TG: variants seen among roughly 807,000 people sequenced by gnomAD.
The protein encoded by TG is thyroglobulin, also known as thyroid hormones.
TG carries 270 observed loss-of-function variants against 324.7 expected under a neutral mutation model. The ratio of observed to expected loss-of-function variants is 0.83; its 90% CI spans 0.75 to 0.92. The LOEUF (loss-of-function observed/expected upper bound fraction) is 0.92, where lower values mean the gene tolerates loss of function less well. Among genes scored for constraint, TG ranks in the 40% least tolerant of loss-of-function variants. TG has a pLI of 0.00. For synonymous variants in TG, 1,401 were observed against 1,327.0 expected (o/e 1.06, Z -1.21); for missense variants, 3,591 against 3,456.4 (o/e 1.04, Z -0.98).
intron 41 of TG, chr8:133,038,473 T>C (rs769676218): frequency 2.2e-6 from 3 of 1,395,096 alleles, no homozygotes; most frequent in South Asian, 1.2e-5. Context: ...TCCCAGGCAA[T>C]AGTTGGAACT....
chr8:132,950,135 G>T (rs1383909536), intron 27 of TG, among the ~76,000 whole-genome samples: 3 of 152,218 alleles, frequency 2.0e-5, no homozygotes, highest in Non-Finnish European at 2.9e-5. Flanking sequence ...CTGAGAGTCT[G>T]ACTTATGATG....
chr8:133,017,260 T>TA (rs1452680015), intron 37 of TG, among the ~76,000 whole-genome samples: 161 of 124,904 alleles, frequency 1.3e-3, no homozygotes, highest in Non-Finnish European at 1.1e-3. Flanking sequence ...CCTAAAAGTC[T>TA]TTTTTTTTTT....
chr8:132,928,995 T>C, intron 22 of TG, 81 bp from the exon 23 acceptor site: 1 of 1,162,612 alleles, frequency 8.6e-7, no homozygotes, highest in Admixed American at 1.7e-5. Flanking sequence ...ATTGACTGCT[T>C]GACCTAACAG....
In TG at chr8:133,038,698, C is replaced by T. The variant is rs78830048; in HGVS notation, c.7239+8675C>T. ...CATAGCTGAAAAGGGACTCGTCTAC[C>T]CCAAGCGGGTTCTCTGTTCCCTCGG... On this transcript the variant is annotated intron_variant, in intron 41 of 47. Coordinates refer to ENST00000220616, the MANE Select transcript of TG (RefSeq NM_003235.5). 3.6e-4 allele frequency: 589 copies of T among 1,614,088 alleles called. 9 individuals are homozygous for T. In the East Asian group the frequency reaches 0.012, roughly 34 times the overall value.
chr8:133,094,932 C>T, intron 41 of TG, 112 bp from the exon 42 acceptor site: 1 of 1,478,932 alleles, frequency 6.8e-7, no homozygotes, highest in Non-Finnish European at 9.4e-7. Flanking sequence ...GGTCCTGGGA[C>T]TCCCAAGCTT....
chr8:133,006,469 A>T (rs1834024459), intron 35 of TG, among the ~76,000 whole-genome samples: 1 of 152,244 alleles, frequency 6.6e-6, no homozygotes, highest in African/African-American at 2.4e-5. Context: ...GACGGGTAAG[A>T]ATCATCTTAA....
intron 23 of TG, among the ~76,000 whole-genome samples, chr8:132,932,843 C>T (rs1308171904): frequency 6.6e-6 from 1 of 152,174 alleles, no homozygotes. Flanking sequence ...TGGGACATAG[C>T]CTTGAACAAA....
intron 5 of TG, 74 bp downstream of exon 5, chr8:132,873,295 C>T (rs1839669856): frequency 1.4e-5 from 21 of 1,555,110 alleles, no homozygotes; most frequent in Non-Finnish European, 1.8e-5. Flanking sequence ...AGCTGGGGGC[C>T]TCCATGTGTC....
At chr8:132,943,096 G>C (rs1416793731) in intron 26 of TG, among the ~76,000 whole-genome samples, 1 of 152,102 alleles carries the variant, frequency 6.6e-6, no homozygotes, top group East Asian at 1.9e-4. Context: ...CTGGGTATAA[G>C]AGCCCCTTGT....
At chr8:132,931,699 TC>T (rs1469744504) in intron 23 of TG, among the ~76,000 whole-genome samples, 2 of 152,138 alleles carry the variant, frequency 1.3e-5, no homozygotes, top group Non-Finnish European at 2.9e-5. Flanking sequence ...ACTGAATTTG[TC>T]CCTGAGCCCG....
Position 133,011,979 on chromosome 8 carries a change from A to C in TG, c.6341A>C (p.His2114Pro). The change falls in exon 36 of 48, where the codon CAT becomes CCT. Residue 2114 changes from histidine (H) to proline (P), a missense_variant. Transcript: ENST00000220616. ...DPSIRHFDVA[H>P]VSTAATSNFS... Reference sequence around the variant, plus strand: ...TCCATTAGGCACTTTGATGTTGCCCATGTCAGCACTGCTGCCACCAGCAAT... The same window carrying C: ...TCCATTAGGCACTTTGATGTTGCCCCTGTCAGCACTGCTGCCACCAGCAAT... 1 of 1,614,192 alleles carries C rather than the reference A, an allele frequency of 6.2e-7. No homozygotes were observed. Among genetic ancestry groups the C allele is most frequent in the Non-Finnish European group, 8.5e-7 (1 of 1,180,036 alleles).
chr8:132,933,200 TTGTG>T (rs911927107), intron 23 of TG, among the ~76,000 whole-genome samples: 8 of 111,110 alleles, frequency 7.2e-5, no homozygotes, highest in Middle Eastern at 4.1e-3. Context: ...GGGTGTATAT[TTGTG>T]TGTGTGTGTA....
At chr8:133,098,332 T>C (rs1848744283) in intron 43 of TG, among the ~76,000 whole-genome samples, 1 of 152,238 alleles carries the variant, frequency 6.6e-6, no homozygotes, top group Non-Finnish European at 1.5e-5. Flanking sequence ...ATAAACCCTT[T>C]ATTGAATCAA....
At chr8:133,081,125 C>T (rs561989364) in intron 41 of TG, among the ~76,000 whole-genome samples, 3 of 152,386 alleles carry the variant, frequency 2.0e-5, no homozygotes, top group Non-Finnish European at 2.9e-5. Flanking sequence ...TACAGCCCAC[C>T]TGGTCTCCTG....
rs1313276149 is a variant in TG at position 132,871,348 on chromosome 8, G to T, written c.275G>T (p.Cys92Phe). The change falls in exon 4 of 48, where the codon TGT (cysteine) becomes TTT (phenylalanine). Residue 92 changes from cysteine (C) to phenylalanine (F), a missense_variant and splice_region_variant. Physicochemically the swap from Cys to Phe is radical, Grantham distance 205. Transcript: ENST00000220616. Reference protein sequence around the residue: ...GSRQPGRPVACLSFCQLQKQQ... With the variant: ...GSRQPGRPVAFLSFCQLQKQQ... ...CTAACATTGCTCCTTGTACCCACAG[G>T]TCTGTCATTTTGTCAGCTACAGAAA... 4.3e-6 allele frequency: 7 copies of T among 1,614,166 alleles called. No homozygotes were observed. The highest frequency in any genetic ancestry group is 1.1e-5 in the South Asian group (1 of 91,084).
intron 20 of TG, among the ~76,000 whole-genome samples, chr8:132,915,568 C>T (rs1422481514): frequency 2.0e-5 from 3 of 152,150 alleles, no homozygotes; most frequent in Non-Finnish European, 4.4e-5. Context: ...CATGGGAGAC[C>T]TTGCCCAGGA....
rs759197109 is a variant in TG at position 132,900,268 on chromosome 8, G to A, written c.3362G>A (p.Gly1121Glu). The change falls in exon 15 of 48, where the codon GGG becomes GAG. Residue 1121 changes from glycine (G) to glutamate (E), a missense_variant. Coordinates refer to ENST00000220616, the MANE Select transcript of TG (RefSeq NM_003235.5). ...TGEYARLQAS[G>E]AGTWCVDPAS... ...GAGTATGCCAGGCTGCAGGCATCGG[G>A]GGCTGGCACCTGGTGTGTGGACCCT... 1.9e-5 allele frequency: 30 copies of A among 1,613,932 alleles called. No homozygotes were observed. In the South Asian group the frequency reaches 2.1e-4, roughly 11 times the overall value.
chr8:133,114,387 G>A lies in TG; in HGVS notation c.7754+784G>A, dbSNP rs943809906. On this transcript the variant is annotated intron_variant, in intron 44 of 47. Transcript: ENST00000220616. ...CCCCAGGGTCCCTCTCTTGCAGCAC[G>A]CCCCCGGCCCCAGGGGTTGTCGGGA... Among the ~76,000 whole-genome samples, 9 of 152,128 alleles carry A rather than the reference G, an allele frequency of 5.9e-5. No homozygotes were observed. In the South Asian group the frequency reaches 1.2e-3, roughly 21 times the overall value.
intron 47 of TG, 75 bp from the exon 48 acceptor site, chr8:133,134,601 G>T: frequency 7.3e-7 from 1 of 1,362,672 alleles, no homozygotes; most frequent in East Asian, 2.3e-5. Context: ...GGGTCTCTTT[G>T]GGACAAAAGG....
Sources: allele counts gnomAD v4.1 joint callset (sites outside exome capture counted in the v4.1 genomes callset), GRCh38; gene constraint gnomAD v4.1.1; transcripts MANE v1.5; gene names NCBI Gene and HGNC (gene_info 2026-07-23, HGNC 2026-07-21).